DLG2: variants seen among roughly 807,000 people sequenced by gnomAD.
DLG2 encodes disks large homolog 2.
A neutral mutation model predicts 132.5 loss-of-function variants in DLG2; 45 were observed. The ratio of observed to expected loss-of-function variants is 0.34; its 90% CI spans 0.27 to 0.44. The LOEUF (loss-of-function observed/expected upper bound fraction) is 0.44. Ranked by LOEUF, DLG2 falls within the 20% of genes least tolerant of loss-of-function variation. The pLI, the probability that DLG2 is intolerant of heterozygous loss-of-function variation, is 1.00. For missense variants in DLG2, 1,045 were observed against 1,196.9 expected (o/e 0.87, Z 1.87); for synonymous variants, 424 against 419.6 (o/e 1.01, Z -0.13).
chr11:85,591,493 C>G (rs367761694), intron 3 of DLG2, among the ~76,000 whole-genome samples: 1 of 152,272 alleles, frequency 6.6e-6, no homozygotes, highest in Admixed American at 6.5e-5. Flanking sequence ...GTAATCCCAG[C>G]GCTTTGGGAG....
chr11:85,408,077 T>G (rs1023772887), intron 3 of DLG2, among the ~76,000 whole-genome samples: 2 of 151,466 alleles, frequency 1.3e-5, no homozygotes, highest in Non-Finnish European at 2.9e-5. Flanking sequence ...TAACAAGAAT[T>G]TTTTGTGTTC....
At position 85,153,119 on chromosome 11, in the gene DLG2, A is replaced by G. The variant is rs114308558; in HGVS notation, c.282+1437T>C. 3.2e-3 allele frequency among the ~76,000 whole-genome samples: 481 copies of G among 152,286 alleles called. 1 individual carries two copies. The highest frequency in any genetic ancestry group is 0.011 in the African/African-American group (467 of 41,566). On this transcript the variant is annotated intron_variant, in intron 5 of 27. Coordinates refer to ENST00000376104, the MANE Select transcript of DLG2 (RefSeq NM_001142699.3). Reference sequence around the variant, plus strand: ...ACTATAGTATAGTAACAATAGGTATAATCTCATTTTATCTCATTTCAGGCA... The same window carrying G: ...ACTATAGTATAGTAACAATAGGTATGATCTCATTTTATCTCATTTCAGGCA...
chr11:84,039,375 C>T (rs111966316), intron 11 of DLG2, among the ~76,000 whole-genome samples: 12,354 of 125,728 alleles, frequency 0.098, 817 homozygotes, highest in African/African-American at 0.18. Flanking sequence ...CCCCCGCCCC[C>T]CACCCCACAA....
intron 3 of DLG2, among the ~76,000 whole-genome samples, chr11:85,516,153 C>G (rs183006643): frequency 6.6e-6 from 1 of 151,960 alleles, no homozygotes; most frequent in East Asian, 1.9e-4. Context: ...GAAGAACTCT[C>G]AAAAATATAC....
At chr11:85,397,729 C>T (rs1174063003) in intron 3 of DLG2, among the ~76,000 whole-genome samples, 1 of 152,040 alleles carries the variant, frequency 6.6e-6, no homozygotes, top group Non-Finnish European at 1.5e-5. Flanking sequence ...GAGGAGTTAA[C>T]ATCTTAAATA....
intron 6 of DLG2, among the ~76,000 whole-genome samples, chr11:84,950,655 G>A (rs2050794528): frequency 6.6e-6 from 1 of 152,048 alleles, no homozygotes. Flanking sequence ...CTTGTGTGGA[G>A]TCAGTTTCTT....
At chr11:85,038,007 C>G (rs2061557783) in intron 6 of DLG2, among the ~76,000 whole-genome samples, 1 of 152,038 alleles carries the variant, frequency 6.6e-6, no homozygotes, top group South Asian at 2.1e-4. Context: ...TAAACCCCTC[C>G]AAATAGGAAT....
chr11:84,347,013 A>ATGGCTATT (rs1336531999), intron 7 of DLG2, among the ~76,000 whole-genome samples: 1 of 152,160 alleles, frequency 6.6e-6, no homozygotes, highest in Non-Finnish European at 1.5e-5. Flanking sequence ...AAAAGTAATT[A>ATGGCTATT]TGGCTATTTT....
At chr11:85,393,243 CA>C (rs968601134) in intron 3 of DLG2, among the ~76,000 whole-genome samples, 5 of 152,038 alleles carry the variant, frequency 3.3e-5, no homozygotes, top group African/African-American at 9.7e-5. Flanking sequence ...CACTAATTAC[CA>C]AGGAAATGCA....
intron 16 of DLG2, among the ~76,000 whole-genome samples, chr11:83,865,575 GAAAATA>G (rs1294035673): frequency 6.6e-6 from 1 of 152,060 alleles, no homozygotes; most frequent in East Asian, 1.9e-4. Flanking sequence ...AGAAAATACA[GAAAATA>G]AAAGGGGCCA....
chr11:84,250,522 T>C (rs951352969), intron 8 of DLG2, among the ~76,000 whole-genome samples: 1 of 152,184 alleles, frequency 6.6e-6, no homozygotes, highest in Non-Finnish European at 1.5e-5. Flanking sequence ...GGCTATCCCA[T>C]CTTGTTTGAT....
At chr11:84,032,695 A>G (rs2095737909) in intron 11 of DLG2, among the ~76,000 whole-genome samples, 2 of 152,212 alleles carry the variant, frequency 1.3e-5, no homozygotes, top group African/African-American at 4.8e-5. Context: ...TTGTATTGGA[A>G]GAAGATGACA....
chr11:84,899,906 G>T (rs2090678378), intron 6 of DLG2, among the ~76,000 whole-genome samples: 1 of 151,972 alleles, frequency 6.6e-6, no homozygotes, highest in Non-Finnish European at 1.5e-5. Context: ...GACCACTGGG[G>T]TACCATTTGG....
At chr11:84,012,862 C>T (rs1057292107) in intron 11 of DLG2, among the ~76,000 whole-genome samples, 6 of 152,086 alleles carry the variant, frequency 3.9e-5, no homozygotes, top group African/African-American at 1.2e-4. Flanking sequence ...ATATGGTCAT[C>T]TAGCCTTTAC....
intron 10 of DLG2, among the ~76,000 whole-genome samples, chr11:84,067,766 G>T (rs2096701203): frequency 6.6e-6 from 1 of 152,006 alleles, no homozygotes; most frequent in Non-Finnish European, 1.5e-5. Context: ...CTAATGATCT[G>T]TATATTTCAC....
chr11:85,277,104 C>T (rs2077937686), intron 4 of DLG2, among the ~76,000 whole-genome samples: 1 of 152,032 alleles, frequency 6.6e-6, no homozygotes, highest in Non-Finnish European at 1.5e-5. Flanking sequence ...TTAAGTAAAG[C>T]TTAATGTAAG....
At chr11:84,315,392 T>C (rs1228445825) in intron 7 of DLG2, among the ~76,000 whole-genome samples, 1 of 152,190 alleles carries the variant, frequency 6.6e-6, no homozygotes, top group African/African-American at 2.4e-5. Flanking sequence ...GCAAGTTTGC[T>C]TTCTCTGCTC....
chr11:83,965,624 G>A (rs1224370694), intron 12 of DLG2, among the ~76,000 whole-genome samples, 156 bp from the exon 13 acceptor site: 1 of 151,900 alleles, frequency 6.6e-6, no homozygotes, highest in Non-Finnish European at 1.5e-5. Context: ...AAGCAGATAA[G>A]TACAATCAAT....
At chr11:84,469,247 A>G (rs914662782) in intron 7 of DLG2, among the ~76,000 whole-genome samples, 1 of 151,672 alleles carries the variant, frequency 6.6e-6, no homozygotes, top group Admixed American at 6.6e-5. Flanking sequence ...TTGAGGAAGA[A>G]CACACTGAAG....
Sources: gnomAD v4.1 joint callset for allele counts (sites outside exome capture counted in the v4.1 genomes callset) on GRCh38, gnomAD v4.1.1 for gene constraint, MANE v1.5 for transcripts, NCBI Gene and HGNC (gene_info 2026-07-23, HGNC 2026-07-21) for gene names.